Variants in CHL1 observed in about 807,000 individuals in gnomAD.
CHL1 encodes the protein neural cell adhesion molecule L1-like protein.
In CHL1, 96 loss-of-function variants were observed where a neutral mutation model predicts 141.9. The ratio of observed to expected loss-of-function variants is 0.68; its 90% CI spans 0.57 to 0.80. The LOEUF is 0.80. Among genes scored for constraint, CHL1 ranks in the 30% least tolerant of loss-of-function variants. The pLI is 0.00. For synonymous variants in CHL1, 613 were observed against 502.2 expected (o/e 1.22, Z -2.95); for missense variants, 1,820 against 1,457.2 (o/e 1.25, Z -4.05).
intron 2 of CHL1, among the ~76,000 whole-genome samples, chr3:257,062 C>T (rs892153306): frequency 6.6e-6 from 1 of 152,118 alleles, no homozygotes; most frequent in African/African-American, 2.4e-5. Flanking sequence ...GTTTTGTCCA[C>T]CTGTGTATCT....
chr3:315,682 A>G (rs1700104667), intron 2 of CHL1, among the ~76,000 whole-genome samples: 1 of 152,044 alleles, frequency 6.6e-6, no homozygotes, highest in South Asian at 2.1e-4. Context: ...ATGTCTTGAA[A>G]TCAGTGTATT....
Position 357,110 on chromosome 3 carries a change from C to G in CHL1, c.1165+2339C>G, listed in dbSNP as rs146224467. Among the ~76,000 whole-genome samples, 795 of 152,254 alleles carry G rather than the reference C, an allele frequency of 5.2e-3. 6 individuals are homozygous for G. The highest frequency in any genetic ancestry group is 0.018 in the African/African-American group (768 of 41,540). On this transcript the variant is annotated intron_variant, in intron 11 of 27. Transcript: ENST00000256509. ...TGAGGAGGTCAAGGCTGAAAATAAA[C>G]TTATGCGAGACCACACAGCTGAATA... is the stretch of plus-strand genomic sequence containing the variant.
intron 1 of CHL1, among the ~76,000 whole-genome samples, chr3:225,869 T>C (rs578192351): frequency 7.3e-5 from 11 of 151,644 alleles, no homozygotes; most frequent in African/African-American, 1.9e-4. Flanking sequence ...ATTAGCCAGG[T>C]GTGGTGGCAG....
intron 2 of CHL1, among the ~76,000 whole-genome samples, chr3:317,469 T>G (rs1315712006): frequency 1.3e-5 from 2 of 151,886 alleles, no homozygotes; most frequent in Non-Finnish European, 2.9e-5. Context: ...CCTAGTAGCA[T>G]AATACTTGGG....
At chr3:346,029 A>G (rs1191043625) in intron 9 of CHL1, among the ~76,000 whole-genome samples, 2 of 152,192 alleles carry the variant, frequency 1.3e-5, no homozygotes, top group Non-Finnish European at 2.9e-5. Context: ...ACTCATTTGA[A>G]ATATAATCTG....
intron 3 of CHL1, among the ~76,000 whole-genome samples, chr3:323,616 TA>T (rs1700771602): frequency 6.6e-6 from 1 of 152,148 alleles, no homozygotes; most frequent in Non-Finnish European, 1.5e-5. Flanking sequence ...ATTTTTTAAC[TA>T]CGTTATCTGT....
At chr3:398,162 T>C (rs1406555801) in intron 24 of CHL1, 65 bp from the exon 25 acceptor site, 3 of 1,167,854 alleles carry the variant, frequency 2.6e-6, no homozygotes, top group East Asian at 5.3e-5. Context: ...CTAACAACAA[T>C]ATTTTTTTAT....
Position 394,807 on chromosome 3 carries a change from G to T in CHL1, c.3029G>T (p.Arg1010Met), listed in dbSNP as rs773821807. 6.2e-7 allele frequency: 1 copy of T among 1,614,032 alleles called. No individual in the cohort carries two copies. Among genetic ancestry groups the T allele is most frequent in the Non-Finnish European group, 8.5e-7 (1 of 1,179,976 alleles). The change falls in exon 24 of 28, where the codon AGG (arginine) becomes ATG (methionine). Residue 1010 changes from arginine (R) to methionine (M), a missense_variant. Coordinates refer to ENST00000256509, the MANE Select transcript of CHL1 (RefSeq NM_006614.4). ...NATTKYKFYL[R>M]ACTSQGCGKP... Reference sequence around the variant, plus strand: ...ACTACCAAGTACAAATTCTACTTGAGGGCTTGCACTTCACAGGGCTGTGGA... The same window carrying T: ...ACTACCAAGTACAAATTCTACTTGATGGCTTGCACTTCACAGGGCTGTGGA...
At chr3:212,046 A>G (rs148742698) in intron 1 of CHL1, among the ~76,000 whole-genome samples, 227 of 152,282 alleles carry the variant, frequency 1.5e-3, no homozygotes, top group African/African-American at 5.3e-3. Context: ...AATCTTCTGG[A>G]CAAGTTTTAT....
intron 1 of CHL1, among the ~76,000 whole-genome samples, chr3:204,211 C>T (rs1699209825): frequency 6.6e-6 from 1 of 152,194 alleles, no homozygotes; most frequent in South Asian, 2.1e-4. Context: ...ATTCCAGCTT[C>T]TATGGTAATG....
rs146535132 is a variant in CHL1 at position 251,320 on chromosome 3, G to C, written c.-95+6628G>C. Reference sequence around the variant, plus strand: ...TGCTGTAGATAATGCACTGAGAATGGATTTTAGTTCCAGAAAAATATGAGT... The same window carrying C: ...TGCTGTAGATAATGCACTGAGAATGCATTTTAGTTCCAGAAAAATATGAGT... On this transcript the variant is annotated intron_variant, in intron 2 of 27. Coordinates refer to ENST00000256509, the MANE Select transcript of CHL1 (RefSeq NM_006614.4). 4.6e-4 allele frequency among the ~76,000 whole-genome samples: 70 copies of C among 152,238 alleles called. 1 individual carries two copies. Among genetic ancestry groups the C allele is most frequent in the African/African-American group, 1.5e-3 (61 of 41,558 alleles).
At position 328,233 on chromosome 3, in the gene CHL1, T is replaced by C; in HGVS notation, c.264T>C (p.Asn88=). The C allele has an allele frequency of 6.2e-7, 1 of 1,613,008 alleles. No individual in the cohort carries two copies. Among genetic ancestry groups the C allele is most frequent in the South Asian group, 1.1e-5 (1 of 91,020 alleles). ...FTDHRIIPSN[N]SGTFRIPNEG... ...ACCATCGGATAATTCCATCGAACAA[T>C]TCAGGAACATTCAGGATCCCAAACG... is the stretch of plus-strand genomic sequence containing the variant. The change falls in exon 5 of 28, where the codon AAT becomes AAC. Residue 88 remains asparagine, a synonymous_variant. Coordinates refer to ENST00000256509, the MANE Select transcript of CHL1 (RefSeq NM_006614.4).
chr3:267,542 A>G (rs965184596), intron 2 of CHL1, among the ~76,000 whole-genome samples: 4 of 152,028 alleles, frequency 2.6e-5, no homozygotes, highest in African/African-American at 9.7e-5. Flanking sequence ...ATGTTATTTT[A>G]TTAGTCAAAA....
intron 4 of CHL1, among the ~76,000 whole-genome samples, chr3:326,779 T>A (rs1265581459): frequency 6.6e-6 from 1 of 151,922 alleles, no homozygotes; most frequent in Non-Finnish European, 1.5e-5. Flanking sequence ...ATACTTTTAT[T>A]ATTCTGCATG....
intron 24 of CHL1, among the ~76,000 whole-genome samples, chr3:397,606 A>G (rs766446195): frequency 5.3e-5 from 8 of 152,128 alleles, no homozygotes; most frequent in African/African-American, 1.9e-4. Context: ...ATCTTCTACT[A>G]TGAGATTCTA....
intron 26 of CHL1, among the ~76,000 whole-genome samples, chr3:400,055 T>C (rs1463596678): frequency 6.6e-6 from 1 of 152,226 alleles, no homozygotes; most frequent in Non-Finnish European, 1.5e-5. Context: ...GATATACATA[T>C]TGTATCAAGA....
intron 24 of CHL1, among the ~76,000 whole-genome samples, chr3:396,281 A>G (rs890657010): frequency 9.2e-5 from 14 of 152,308 alleles, no homozygotes; most frequent in Non-Finnish European, 1.8e-4. Context: ...AACTGACATC[A>G]AGTGTCCAAT....
intron 12 of CHL1, among the ~76,000 whole-genome samples, chr3:361,219 T>C (rs896741739): frequency 2.0e-5 from 3 of 150,440 alleles, no homozygotes; most frequent in Non-Finnish European, 4.4e-5. Context: ...CAAAAATCAA[T>C]TCAAGATGGA....
intron 2 of CHL1, among the ~76,000 whole-genome samples, chr3:290,447 G>A (rs1437706628): frequency 1.3e-5 from 2 of 152,124 alleles, no homozygotes; most frequent in African/African-American, 4.8e-5. Context: ...TATATTCTAG[G>A]TTAGAAAAGA....
Sources: gnomAD v4.1 joint callset for allele counts (sites outside exome capture counted in the v4.1 genomes callset) on GRCh38, gnomAD v4.1.1 for gene constraint, MANE v1.5 for transcripts, NCBI Gene and HGNC (gene_info 2026-07-23, HGNC 2026-07-21) for gene names.